HELQ: variants seen among roughly 807,000 people sequenced by gnomAD.
HELQ encodes the protein helicase, POLQ like, also known as helicase POLQ-like.
In HELQ, 77 loss-of-function variants were observed where a neutral mutation model predicts 111.6. That is an observed-to-expected ratio of 0.69 (90% CI 0.57 to 0.83). HELQ has a LOEUF of 0.83. Among genes scored for constraint, HELQ ranks in the 40% least tolerant of loss-of-function variants. The pLI, the probability that HELQ is intolerant of heterozygous loss-of-function variation, is 0.00. For missense variants in HELQ, 1,200 were observed against 1,288.5 expected, an observed-to-expected ratio of 0.93 and a Z score of 1.05; for synonymous variants, 438 against 454.7, an observed-to-expected ratio of 0.96 and a Z score of 0.47.
rs1719835801 is a variant in HELQ at position 83,426,108 on chromosome 4, G to A, written c.2677-16C>T. 3 of 1,354,276 alleles carry A rather than the reference G, an allele frequency of 2.2e-6. No individual in the cohort carries two copies. The highest frequency in any genetic ancestry group is 2.1e-6 in the Non-Finnish European group (2 of 954,324). The allele number at this position is 1,354,276 out of a possible 1,614,324, so 83.9% of individuals were successfully genotyped here. ...GTTGGCTAAACTACATGGAAAAAGA[G>A]CAAATAGATGGAAACATCAAAAAAT... On this transcript the variant is annotated splice_polypyrimidine_tract_variant and intron_variant, in intron 13 of 17. Transcript: ENST00000295488.
At chr4:83,411,157 C>CAAAAAAAAAA (rs35424076) in intron 17 of HELQ, among the ~76,000 whole-genome samples, 1 of 67,144 alleles carries the variant, frequency 1.5e-5, no homozygotes, top group Non-Finnish European at 3.2e-5. Flanking sequence ...GACCTTGTCT[C>CAAAAAAAAAA]AAAAAAAAAA....
intron 15 of HELQ, among the ~76,000 whole-genome samples, chr4:83,420,054 A>G (rs1436445182): frequency 2.0e-5 from 3 of 152,224 alleles, no homozygotes; most frequent in African/African-American, 7.2e-5. Flanking sequence ...ACAAATATGG[A>G]AAGGATTATT....
intron 2 of HELQ, among the ~76,000 whole-genome samples, chr4:83,452,491 G>C (rs960769100): frequency 1.7e-4 from 26 of 152,072 alleles, no homozygotes; most frequent in Non-Finnish European, 3.4e-4. Flanking sequence ...TGGTGTGGGG[G>C]GAAAGATGTT....
chr4:83,431,644 A>G lies in HELQ; in HGVS notation c.2295+20T>C. The G allele has an allele frequency of 7.4e-7, 1 of 1,354,074 alleles. No homozygotes were observed. The highest frequency in any genetic ancestry group is 1.3e-5 in the South Asian group (1 of 75,654). 83.9% of individuals were successfully genotyped at this position (1,354,074 alleles called of 1,614,324 possible). The stretch of plus-strand genomic sequence containing the variant: ...TTGTCTCAGATAACAGTAATAAGAT[A>G]AAAAATTTAAGAAAAATACCTTCAA... On this transcript the variant is annotated intron_variant, in intron 11 of 17. Transcript: ENST00000295488.
rs767524211 is a variant in HELQ at position 83,429,585 on chromosome 4, C to A, written c.2457G>T (p.Lys819Asn). Residue 819 changes from lysine (K) to asparagine (N), a missense_variant, in exon 12 of 18, where the codon AAG becomes AAT. Lys to Asn is a moderately conservative substitution (Grantham distance 94). This residue lies in a region of HELQ where 585 missense variants were observed against 665.3 expected (regional missense o/e 0.88). Transcript: ENST00000295488. Reference sequence around the variant, plus strand: ...AATTATATTGGACCTCTTCTTCAGACTTATAAATAGTGTCTTTTTGTAGGA... The same window carrying A: ...AATTATATTGGACCTCTTCTTCAGAATTATAAATAGTGTCTTTTTGTAGGA... ...KGLLQKDTIY[K>N]SEEEVQYNFH... The A allele has an allele frequency of 1.2e-6, 2 of 1,612,942 alleles. No individual in the cohort carries two copies. The highest frequency in any genetic ancestry group is 2.2e-5 in the South Asian group (2 of 91,030).
chr4:83,422,026 G>C (rs1382146998), intron 14 of HELQ, among the ~76,000 whole-genome samples: 1 of 152,124 alleles, frequency 6.6e-6, no homozygotes, highest in East Asian at 1.9e-4. Context: ...TTTGAGATCA[G>C]CCTGGACAAC....
chr4:83,418,134 C>T lies in HELQ; in HGVS notation c.3022G>A (p.Ala1008Thr). The change falls in exon 16 of 18, where the codon GCA becomes ACA. Residue 1008 changes from alanine to threonine, a missense_variant. Physicochemically the swap from Ala to Thr is moderately conservative, Grantham distance 58. Transcript: ENST00000295488. ...LTKKLTYCVK[A>T]ELIPLMEVTG... ...ACTTCCATGAGAGGGATTAATTCTG[C>T]CTTTACACAGTAAGTCAGCTTCTTG... is the stretch of plus-strand genomic sequence containing the variant. 3 of 1,610,064 alleles carry T rather than the reference C, an allele frequency of 1.9e-6. No homozygotes were observed. Among genetic ancestry groups the T allele is most frequent in the Non-Finnish European group, 2.5e-6 (3 of 1,177,820 alleles).
At chr4:83,412,596 T>C (rs922346038) in intron 17 of HELQ, among the ~76,000 whole-genome samples, 2 of 152,168 alleles carry the variant, frequency 1.3e-5, no homozygotes, top group African/African-American at 4.8e-5. Context: ...GAAGCCAAGA[T>C]GGAAGGATTG....
chr4:83,450,687 C>T (rs907105580), intron 2 of HELQ, among the ~76,000 whole-genome samples: 45 of 151,092 alleles, frequency 3.0e-4, no homozygotes, highest in African/African-American at 9.7e-4. Context: ...AAAAACTAGC[C>T]GGGTACAATG....
chr4:83,447,034 A>G lies in HELQ; in HGVS notation c.1193T>C (p.Ile398Thr). 6.2e-7 allele frequency: 1 copy of G among 1,603,696 alleles called. No homozygotes were observed. Among genetic ancestry groups the G allele is most frequent in the Non-Finnish European group, 8.5e-7 (1 of 1,171,402 alleles). The change falls in exon 4 of 18, where the codon ATT (isoleucine) becomes ACT (threonine). Residue 398 changes from isoleucine (I) to threonine (T), a missense_variant and splice_region_variant. Physicochemically the swap from Ile to Thr is moderately conservative, Grantham distance 89. Transcript: ENST00000295488. Reference sequence around the variant, plus strand: ...TATACCAAAACTTGACAAACCTGAAATCTAGAATATTAGTTAAAATAAAGA... The same window carrying G: ...TATACCAAAACTTGACAAACCTGAAGTCTAGAATATTAGTTAAAATAAAGA... ...LPYVAIVQEK[I>T]SGLSSFGIEL...
intron 11 of HELQ, among the ~76,000 whole-genome samples, chr4:83,430,215 G>A (rs551499518): frequency 6.7e-6 from 1 of 148,834 alleles, no homozygotes; most frequent in African/African-American, 2.5e-5. Context: ...CATGGCACAT[G>A]TATACATATG....
intron 2 of HELQ, among the ~76,000 whole-genome samples, chr4:83,452,145 TAAAA>T (rs1721413208): frequency 3.9e-5 from 6 of 152,364 alleles, no homozygotes; most frequent in Non-Finnish European, 5.9e-5. Flanking sequence ...TCTTTGCACT[TAAAA>T]CAAGTTTGTC....
Position 83,429,748 on chromosome 4 carries a change from T to G in HELQ, c.2296-2A>C, listed in dbSNP as rs780047237. The G allele has an allele frequency of 1.9e-6, 3 of 1,595,356 alleles. No individual in the cohort carries two copies. The highest frequency in any genetic ancestry group is 1.7e-6 in the Non-Finnish European group (2 of 1,165,168). ...GATGTCATCAAGATTCGTTGCAATC[T>G]GAAACAATTCAGGATATCATTGGAG... On this transcript the variant is annotated splice_acceptor_variant, in intron 11 of 17. Coordinates refer to ENST00000295488, the MANE Select transcript of HELQ (RefSeq NM_133636.5). LOFTEE classifies it high-confidence loss of function.
In HELQ at chr4:83,427,634, G is replaced by A; in HGVS notation, c.2605C>T (p.Leu869=). 1.2e-6 allele frequency: 2 copies of A among 1,607,102 alleles called. No individual in the cohort carries two copies. Among genetic ancestry groups the A allele is most frequent in the Non-Finnish European group, 1.7e-6 (2 of 1,176,836 alleles). The change falls in exon 13 of 18, where the codon CTA becomes TTA. Residue 869 remains leucine (L), a synonymous_variant. Transcript: ENST00000295488. ...EGLVLESLLH[L]IYLTTPYDLV... ...TCATAGGGGGTTGTTAGGTAGATTA[G>A]ATGAAGAAGGCTTTCAAGCACAAGT...
chr4:83,451,908 G>C (rs1435445408), intron 2 of HELQ, among the ~76,000 whole-genome samples: 1 of 152,160 alleles, frequency 6.6e-6, no homozygotes, highest in African/African-American at 2.4e-5. Flanking sequence ...CTGTAGTTCT[G>C]CTTCTCCAAC....
At chr4:83,418,796 A>G (rs532235344) in intron 15 of HELQ, among the ~76,000 whole-genome samples, 1 of 152,342 alleles carries the variant, frequency 6.6e-6, no homozygotes, top group Non-Finnish European at 1.5e-5. Flanking sequence ...AGCATTAGCT[A>G]GCCATCTTGT....
chr4:83,449,485 C>T (rs1208396110), intron 2 of HELQ, among the ~76,000 whole-genome samples: 1 of 152,164 alleles, frequency 6.6e-6, no homozygotes, highest in African/African-American at 2.4e-5. Flanking sequence ...GGGTCCAAAA[C>T]CATTTTAAAC....
intron 15 of HELQ, among the ~76,000 whole-genome samples, chr4:83,420,364 CG>C (rs566485261): frequency 1.4e-3 from 216 of 152,192 alleles, no homozygotes; most frequent in Middle Eastern, 3.4e-3. Context: ...CCAGGCGTGG[CG>C]GCTCATGCCT....
rs754954779 is a variant in HELQ, at chr4:83,455,673, G to A, written c.21C>T (p.Arg7=). 9 of 1,609,456 alleles carry A rather than the reference G, an allele frequency of 5.6e-6. No individual in the cohort carries two copies. In the African/African-American group the frequency reaches 9.4e-5, roughly 17 times the overall value. ...TGGGGAGAGACACCCGCCGGCGGAT[G>A]CGGGAACCACATTCATCCATGGCAA... is the stretch of plus-strand genomic sequence containing the variant. MDECGS[R]IRRRVSLPKR... The change falls in exon 1 of 18, where the codon CGC becomes CGT. Residue 7 remains arginine, a synonymous_variant. Coordinates refer to ENST00000295488, the MANE Select transcript of HELQ (RefSeq NM_133636.5).
Sources: gnomAD v4.1 joint callset for allele counts (sites outside exome capture counted in the v4.1 genomes callset) on GRCh38, gnomAD v4.1.1 for gene constraint, gnomAD v4.1.1 regional missense constraint, MANE v1.5 for transcripts, NCBI Gene and HGNC (gene_info 2026-07-23, HGNC 2026-07-21) for gene names.